PHTF1: variants seen among roughly 807,000 people sequenced by gnomAD.
The protein encoded by PHTF1 is protein PHTF1.
A neutral mutation model predicts 102.4 loss-of-function variants in PHTF1; 88 were observed. The ratio of observed to expected loss-of-function variants is 0.86; its 90% CI spans 0.72 to 1.03. The LOEUF (loss-of-function observed/expected upper bound fraction) is 1.03. PHTF1 is among the 50% of genes least tolerant of loss of function. PHTF1 has a pLI of 0.00. For missense variants in PHTF1, 814 were observed against 909.5 expected, an observed-to-expected ratio of 0.89 and a Z score of 1.35; for synonymous variants, 289 against 305.2, an observed-to-expected ratio of 0.95 and a Z score of 0.55.
intron 7 of PHTF1, among the ~76,000 whole-genome samples, chr1:113,720,744 T>G (rs1227681310): frequency 6.6e-6 from 1 of 152,176 alleles, no homozygotes; most frequent in Non-Finnish European, 1.5e-5. Flanking sequence ...CACTAGGAAG[T>G]GCCCCAGTGA....
chr1:113,718,112 T>C (rs1268237922), intron 7 of PHTF1, among the ~76,000 whole-genome samples: 2 of 152,130 alleles, frequency 1.3e-5, no homozygotes, highest in East Asian at 3.9e-4. Context: ...ACTTTCTAGA[T>C]ACAATGAGGA....
chr1:113,737,109 A>C (rs1226947566), intron 5 of PHTF1, among the ~76,000 whole-genome samples: 2 of 152,202 alleles, frequency 1.3e-5, no homozygotes, highest in Admixed American at 6.5e-5. Flanking sequence ...GACTGAGATA[A>C]ATATAGTGAA....
At chr1:113,715,126 C>T (rs1277952493) in intron 7 of PHTF1, 1 of 152,276 alleles carries the variant, frequency 6.6e-6, no homozygotes, top group Non-Finnish European at 1.5e-5. Flanking sequence ...ACTTAGATCA[C>T]AATGCCCAAT....
At chr1:113,716,611 A>C (rs1310280012) in intron 7 of PHTF1, among the ~76,000 whole-genome samples, 1 of 151,990 alleles carries the variant, frequency 6.6e-6, no homozygotes, top group Non-Finnish European at 1.5e-5. Context: ...TGACCTCCCA[A>C]AGTGCTGGGA....
chr1:113,727,015 T>C (rs1653948201), intron 5 of PHTF1, among the ~76,000 whole-genome samples: 1 of 151,786 alleles, frequency 6.6e-6, no homozygotes, highest in Admixed American at 6.6e-5. Context: ...CCATTTCATA[T>C]ATAATGAAGA....
chr1:113,732,804 ATACT>A (rs1654862365), intron 5 of PHTF1, among the ~76,000 whole-genome samples: 1 of 152,180 alleles, frequency 6.6e-6, no homozygotes, highest in African/African-American at 2.4e-5. Flanking sequence ...TGTGGAAAAA[ATACT>A]TAATTTTACC....
At chr1:113,759,674 A>C (rs1659435570), upstream of PHTF1, among the ~76,000 whole-genome samples, 1 of 152,230 alleles carries the variant, frequency 6.6e-6, no homozygotes, top group South Asian at 2.1e-4. Flanking sequence ...GCTCCCTCAG[A>C]TCACCCTTCA....
chr1:113,724,896 AC>A lies in PHTF1; in HGVS notation c.489-4del. ...CATTTACAGTTTTTCGTAATTTTCT[AC>A]AAAAAAAAATTTCAATAACTTCAGA... On this transcript the variant is annotated splice_region_variant and splice_polypyrimidine_tract_variant and intron_variant, in intron 6 of 18. Transcript: ENST00000369604. 1 of 1,586,650 alleles carries A rather than the reference AC, an allele frequency of 6.3e-7. No homozygotes were observed. The highest frequency in any genetic ancestry group is 1.2e-5 in the South Asian group (1 of 85,662).
intron 13 of PHTF1, among the ~76,000 whole-genome samples, chr1:113,705,303 G>T (rs943993300): frequency 6.6e-6 from 1 of 152,152 alleles, no homozygotes; most frequent in Non-Finnish European, 1.5e-5. Flanking sequence ...AGTCGGGTGT[G>T]GTGGCGCAGG....
intron 5 of PHTF1, among the ~76,000 whole-genome samples, chr1:113,729,054 G>A (rs2101491479): frequency 6.6e-6 from 1 of 152,352 alleles, no homozygotes; most frequent in South Asian, 2.1e-4. Context: ...TAAAGAAAAT[G>A]TGGTACATAT....
chr1:113,716,163 C>T (rs1651998115), intron 7 of PHTF1, among the ~76,000 whole-genome samples: 2 of 151,992 alleles, frequency 1.3e-5, no homozygotes, highest in African/African-American at 4.8e-5. Flanking sequence ...TACCTCAAGG[C>T]ATTTAACAAT....
At chr1:113,723,177 ATTT>A (rs1186819562) in intron 7 of PHTF1, among the ~76,000 whole-genome samples, 9 of 135,754 alleles carry the variant, frequency 6.6e-5, no homozygotes, top group African/African-American at 8.1e-5. Context: ...CAGTGAACTC[ATTT>A]TTTTTTTTTT....
intron 16 of PHTF1, chr1:113,700,010 T>C: frequency 1.0e-6 from 1 of 983,744 alleles, no homozygotes; most frequent in Non-Finnish European, 1.3e-6. Context: ...TGATGAAAAA[T>C]TAATGATGAA....
intron 7 of PHTF1, among the ~76,000 whole-genome samples, chr1:113,721,557 G>T (rs1263305986): frequency 6.6e-6 from 1 of 152,088 alleles, no homozygotes; most frequent in Non-Finnish European, 1.5e-5. Context: ...TGGAAAAGAA[G>T]AATTCAAATT....
rs143080397 is a variant in PHTF1 at position 113,731,891 on chromosome 1, C to T, written c.332-5317G>A. 9.2e-3 allele frequency among the ~76,000 whole-genome samples: 1,303 copies of T among 141,674 alleles called. 27 individuals are homozygous for T. The highest frequency in any genetic ancestry group is 0.032 in the African/African-American group (1,206 of 37,876). The allele number at this position is 141,674 out of a possible 152,430, so 92.9% of individuals were successfully genotyped here. ...CAGCCTGGGCAACAGAGCAAGACGC[C>T]GTCTCAATTTTAAAAAAAAAAAAAA... On this transcript the variant is annotated intron_variant, in intron 5 of 18. Transcript: ENST00000369604.
intron 18 of PHTF1, 43 bp from the exon 19 acceptor site, chr1:113,697,768 C>T: frequency 6.8e-7 from 1 of 1,475,532 alleles, no homozygotes; most frequent in Non-Finnish European, 9.5e-7. Flanking sequence ...TCTAGGAAAA[C>T]CAGGTGGGAT....
chr1:113,724,188 C>T (rs747451934), intron 7 of PHTF1, among the ~76,000 whole-genome samples: 64 of 152,064 alleles, frequency 4.2e-4, no homozygotes, highest in Non-Finnish European at 8.4e-4. Flanking sequence ...AGTAGTACAA[C>T]CACTATGAAG....
Position 113,738,806 on chromosome 1 carries a change from TA to T in PHTF1, c.103-8del. The T allele has an allele frequency of 6.5e-7, 1 of 1,548,322 alleles. No individual in the cohort carries two copies. The highest frequency in any genetic ancestry group is 8.8e-7 in the Non-Finnish European group (1 of 1,139,298). On this transcript the variant is annotated splice_region_variant and splice_polypyrimidine_tract_variant and intron_variant, in intron 3 of 18. Transcript: ENST00000369604. ...TCGGTTTGTTTTTCAAACCCTAGGATAAAACAAAACAAAAATAAAATCAGAA... is the reference window on the plus strand; with the variant it reads ...TCGGTTTGTTTTTCAAACCCTAGGATAAACAAAACAAAAATAAAATCAGAA...
intron 5 of PHTF1, among the ~76,000 whole-genome samples, chr1:113,727,350 C>G (rs1296603688): frequency 1.3e-5 from 2 of 152,072 alleles, no homozygotes; most frequent in African/African-American, 2.4e-5. Context: ...ACCATGAAGA[C>G]AAGGAGTTTT....
Sources: allele counts gnomAD v4.1 joint callset (sites outside exome capture counted in the v4.1 genomes callset), GRCh38; gene constraint gnomAD v4.1.1; transcripts MANE v1.5; gene names NCBI Gene and HGNC (gene_info 2026-07-23, HGNC 2026-07-21).